CHRNA6: variants seen among roughly 807,000 people sequenced by gnomAD.
CHRNA6 encodes neuronal acetylcholine receptor subunit alpha-6.
A neutral mutation model predicts 40.9 loss-of-function variants in CHRNA6; 31 were observed. The observed-to-expected ratio is 0.76, with a 90% CI of 0.57 to 1.02. The LOEUF is 1.02. Ranked by LOEUF, CHRNA6 falls within the 50% of genes least tolerant of loss-of-function variation. CHRNA6 has a pLI of 0.00. For synonymous variants in CHRNA6, 222 were observed against 221.3 expected (o/e 1.00, Z -0.03); for missense variants, 546 against 596.6 (o/e 0.92, Z 0.88).
At chr8:42,766,064 T>C (rs1360864076) in intron 1 of CHRNA6, among the ~76,000 whole-genome samples, 1 of 152,246 alleles carries the variant, frequency 6.6e-6, no homozygotes, top group Admixed American at 6.5e-5. Flanking sequence ...ATCCCATTAC[T>C]GGGTATATAC....
intron 2 of CHRNA6, among the ~76,000 whole-genome samples, chr8:42,761,188 G>A (rs1816899251): frequency 6.6e-6 from 1 of 152,224 alleles, no homozygotes; most frequent in Admixed American, 6.5e-5. Flanking sequence ...GACAGGGTAA[G>A]CCCCGGGATT....
In CHRNA6 at chr8:42,768,490, A is replaced by C. The variant is rs1163149140; in HGVS notation, c.-60T>G. On this transcript the variant is annotated 5_prime_UTR_variant, in exon 1 of 6. Transcript: ENST00000276410. ...AAAGGATTGTGGAAAACAAAGAGCT[A>C]TCAGTCAGCCACATGCATCCAACCT... The C allele has an allele frequency of 7.3e-7, 1 of 1,368,206 alleles. No individual in the cohort carries two copies. Among genetic ancestry groups the C allele is most frequent in the Non-Finnish European group, 1.0e-6 (1 of 957,590 alleles). The allele number at this position is 1,368,206 out of a possible 1,614,324, so 84.8% of individuals were successfully genotyped here.
chr8:42,762,649 A>G (rs576329592), intron 2 of CHRNA6, among the ~76,000 whole-genome samples: 1 of 152,290 alleles, frequency 6.6e-6, no homozygotes, highest in African/African-American at 2.4e-5. Context: ...ACTCCATCTC[A>G]AAAGCAAAAC....
At position 42,752,907 on chromosome 8, in the gene CHRNA6, C is replaced by A; in HGVS notation, c.*272G>T. 1 of 282,376 alleles carries A rather than the reference C, an allele frequency of 3.5e-6. No individual in the cohort carries two copies. Among genetic ancestry groups the A allele is most frequent in the Non-Finnish European group, 6.6e-6 (1 of 152,530 alleles). 17.5% of individuals were successfully genotyped at this position (282,376 alleles called of 1,614,324 possible). A position where few individuals can be genotyped will look rare whatever the true frequency, so the allele number is the denominator to read the frequency against. ...GTCATTCTTGTCTTTAGAAGCCAAACACACAGACACGAGAAACCTGACCTG... is the reference window on the plus strand; with the variant it reads ...GTCATTCTTGTCTTTAGAAGCCAAAAACACAGACACGAGAAACCTGACCTG... On this transcript the variant is annotated 3_prime_UTR_variant, in exon 6 of 6. Coordinates refer to ENST00000276410, the MANE Select transcript of CHRNA6 (RefSeq NM_004198.3).
chr8:42,766,115 T>C (rs1390474904), intron 1 of CHRNA6, among the ~76,000 whole-genome samples: 3 of 152,180 alleles, frequency 2.0e-5, no homozygotes, highest in Admixed American at 6.5e-5. Context: ...GATACATGCA[T>C]GCGTATGTTC....
Position 42,756,164 on chromosome 8 carries a change from GA to G in CHRNA6, c.1034del (p.Phe345SerfsTer2). The G allele has an allele frequency of 6.2e-7, 1 of 1,614,266 alleles. No homozygotes were observed. Among genetic ancestry groups the G allele is most frequent in the Non-Finnish European group, 8.5e-7 (1 of 1,180,050 alleles). On this transcript the variant is annotated frameshift_variant, in exon 5 of 6. Coordinates refer to ENST00000276410, the MANE Select transcript of CHRNA6 (RefSeq NM_004198.3). LOFTEE classifies it high-confidence loss of function. ...HTMPRWVKTV[F>X]LKLLPQVLLM... Reference sequence around the variant, plus strand: ...GCAGGACCTGGGGCAGCAGCTTCAGGAAAACTGTCTTCACCCACCTGGGCAT... The same window carrying G: ...GCAGGACCTGGGGCAGCAGCTTCAGGAAACTGTCTTCACCCACCTGGGCAT...
chr8:42,765,157 A>T lies in CHRNA6; in HGVS notation c.127T>A (p.Ser43Thr). 1 of 1,614,070 alleles carries T rather than the reference A, an allele frequency of 6.2e-7. No homozygotes were observed. Reference sequence around the variant, plus strand: ...GGCCTGATGAACTGGTTGTAATGAGAAAACAGTTTGTGGAAGAGCCTCTCC... The same window carrying T: ...GGCCTGATGAACTGGTTGTAATGAGTAAACAGTTTGTGGAAGAGCCTCTCC... ...TEERLFHKLF[S>T]HYNQFIRPVE... is the part of the protein sequence containing the mutation. Residue 43 changes from serine (S) to threonine (T), a missense_variant, in exon 2 of 6, where the codon TCT becomes ACT. Around this residue, in one of 3 missense-constraint regions of CHRNA6, gnomAD observed 476 missense variants for 494.5 expected, o/e 0.96. Transcript: ENST00000276410.
chr8:42,759,752 TAGTC>T (rs1816868236), intron 2 of CHRNA6, among the ~76,000 whole-genome samples: 1 of 151,684 alleles, frequency 6.6e-6, no homozygotes, highest in African/African-American at 2.4e-5. Context: ...TACAAAAAAA[TAGTC>T]AGGTGTGGTG....
At chr8:42,766,521 A>AGAAAGAAAGAAAGAAAGAAAGAGAG (rs1563627476) in intron 1 of CHRNA6, among the ~76,000 whole-genome samples, 1 of 151,832 alleles carries the variant, frequency 6.6e-6, no homozygotes, top group African/African-American at 2.4e-5. Flanking sequence ...AAAGAAAGAA[A>AGAAAGAAAGAAAGAAAGAAAGAGAG]ATGTGGTATA....
At chr8:42,758,061 A>G (rs1332721922) in intron 3 of CHRNA6, among the ~76,000 whole-genome samples, 1 of 152,198 alleles carries the variant, frequency 6.6e-6, no homozygotes, top group African/African-American at 2.4e-5. Context: ...CAAAAAAAAA[A>G]AGTAAAAATA....
intron 1 of CHRNA6, among the ~76,000 whole-genome samples, chr8:42,766,539 C>T (rs189934907): frequency 2.1e-4 from 31 of 150,628 alleles, no homozygotes; most frequent in Admixed American, 2.0e-4. Flanking sequence ...ATATATGCAC[C>T]ATGCAATACT....
At chr8:42,759,496 C>T (rs1816863824) in intron 2 of CHRNA6, 1 of 200,854 alleles carries the variant, frequency 5.0e-6, no homozygotes, top group Admixed American at 5.2e-5. Context: ...TCCAACCCCG[C>T]ACAGTGTTTT....
At chr8:42,765,283 GGCCC>G in intron 1 of CHRNA6, 79 bp from the exon 2 acceptor site, 1 of 1,502,618 alleles carries the variant, frequency 6.7e-7, no homozygotes, top group East Asian at 2.3e-5. Flanking sequence ...ATTCTTCCCG[GGCCC>G]TGTGGGGAGC....
At chr8:42,760,562 A>T (rs1816889921) in intron 2 of CHRNA6, among the ~76,000 whole-genome samples, 1 of 151,630 alleles carries the variant, frequency 6.6e-6, no homozygotes, top group Non-Finnish European at 1.5e-5. Context: ...AGGCACACTC[A>T]CACAGTCATA....
chr8:42,764,899 A>G (rs1816951474), intron 2 of CHRNA6, 166 bp downstream of exon 2: 2 of 670,698 alleles, frequency 3.0e-6, no homozygotes, highest in African/African-American at 1.8e-5. Context: ...TGCCTCACAC[A>G]GACAGTTACA....
chr8:42,759,083 A>C lies in CHRNA6; in HGVS notation c.250T>G (p.Leu84Val), dbSNP rs751636774. Residue 84 changes from leucine to valine, a missense_variant, in exon 3 of 6, where the codon TTG becomes GTG. Physicochemically the swap from Leu to Val is conservative, Grantham distance 32. Around this residue, in one of 3 missense-constraint regions of CHRNA6, gnomAD observed 476 missense variants for 494.5 expected, o/e 0.96. Transcript: ENST00000276410. ...TAGGCACATACGTGACGCAGCCACA[A>C]ATTGGTTTCCATGATCTGGTTTACT... Reference protein sequence around the residue: ...DEVNQIMETNLWLRHIWNDYK... With the variant: ...DEVNQIMETNVWLRHIWNDYK... 8 of 1,613,586 alleles carry C rather than the reference A, an allele frequency of 5.0e-6. No homozygotes were observed. The highest frequency in any genetic ancestry group is 3.3e-4 in the Middle Eastern group (2 of 6,062).
chr8:42,760,342 A>G (rs1054781638), intron 2 of CHRNA6, among the ~76,000 whole-genome samples: 9 of 151,756 alleles, frequency 5.9e-5, no homozygotes, highest in African/African-American at 1.5e-4. Flanking sequence ...TCATGCGCAC[A>G]CACACTCGTG....
intron 2 of CHRNA6, among the ~76,000 whole-genome samples, chr8:42,759,826 G>A (rs1003374644): frequency 2.6e-5 from 4 of 151,716 alleles, no homozygotes; most frequent in African/African-American, 9.7e-5. Flanking sequence ...CTTGAACCAG[G>A]GAGGTGGAGG....
At chr8:42,764,853 G>A (rs1360960996) in intron 2 of CHRNA6, 11 of 551,604 alleles carry the variant, frequency 2.0e-5, no homozygotes, top group South Asian at 1.7e-4. Flanking sequence ...TCTTTGTTTC[G>A]TAAACTGGTT....
Sources: gnomAD v4.1 joint callset for allele counts (sites outside exome capture counted in the v4.1 genomes callset) on GRCh38, gnomAD v4.1.1 for gene constraint, gnomAD v4.1.1 regional missense constraint, MANE v1.5 for transcripts, NCBI Gene and HGNC (gene_info 2026-07-23, HGNC 2026-07-21) for gene names.